RBFOX1: variants seen among roughly 807,000 people sequenced by gnomAD.
The protein encoded by RBFOX1 is RNA binding protein fox-1 homolog 1.
In RBFOX1, 8 loss-of-function variants were observed where a neutral mutation model predicts 57.7. The observed-to-expected ratio is 0.14, with a 90% CI of 0.08 to 0.25. The LOEUF is 0.25. Among genes scored for constraint, RBFOX1 ranks in the 10% least tolerant of loss-of-function variants. RBFOX1 has a pLI of 1.00. For missense variants in RBFOX1, 611 were observed against 548.5 expected (o/e 1.11, Z -1.14); for synonymous variants, 326 against 222.4 (o/e 1.47, Z -4.15).
At chr16:6,862,546 C>A (rs537782849) in intron 3 of RBFOX1, among the ~76,000 whole-genome samples, 1 of 152,300 alleles carries the variant, frequency 6.6e-6, no homozygotes, top group South Asian at 2.1e-4. Context: ...ACTTAACCAG[C>A]ATCTTGAAGA....
rs2095048626 is a variant in RBFOX1, at chr16:7,264,385, C to A, written c.27+212287C>A. On this transcript the variant is annotated intron_variant, in intron 4 of 15. Transcript: ENST00000550418. ...GAAACTCAGAAGGTGCAAAGCAGAC[C>A]CAGTCATCTCCAGCTTACAACAGAT... Among the ~76,000 whole-genome samples, 9 of 152,154 alleles carry A rather than the reference C, an allele frequency of 5.9e-5. No individual in the cohort carries two copies. In the South Asian group the frequency reaches 1.9e-3, roughly 32 times the overall value.
chr16:7,707,972 C>T (rs543194936), intron 14 of RBFOX1, among the ~76,000 whole-genome samples: 1 of 152,284 alleles, frequency 6.6e-6, no homozygotes, highest in Non-Finnish European at 1.5e-5. Flanking sequence ...AAACTATCTC[C>T]AGGAAAATAT....
At chr16:6,206,513 G>GTA (rs1481710096) in intron 1 of RBFOX1, among the ~76,000 whole-genome samples, 1 of 152,266 alleles carries the variant, frequency 6.6e-6, no homozygotes, top group East Asian at 1.9e-4. Flanking sequence ...GATGGCAGAG[G>GTA]TATCATCTGT....
chr16:6,443,898 C>A (rs191932239), intron 2 of RBFOX1, among the ~76,000 whole-genome samples: 12 of 152,158 alleles, frequency 7.9e-5, no homozygotes, highest in East Asian at 5.8e-4. Flanking sequence ...ATTCAATTAA[C>A]ATTTATTGAA....
chr16:7,582,030 C>CTA (rs2093808663), intron 6 of RBFOX1, among the ~76,000 whole-genome samples: 2 of 144,980 alleles, frequency 1.4e-5, no homozygotes, highest in African/African-American at 2.6e-5. Context: ...TCCAGCACCC[C>CTA]CCCCCCCCCT....
At chr16:6,790,944 C>T (rs1603624251) in intron 3 of RBFOX1, among the ~76,000 whole-genome samples, 1 of 151,298 alleles carries the variant, frequency 6.6e-6, no homozygotes, top group East Asian at 1.9e-4. Context: ...CTGACTGTGT[C>T]ACCCAGGTTG....
intron 4 of RBFOX1, among the ~76,000 whole-genome samples, chr16:5,883,079 G>T (rs185287453): frequency 1.1e-4 from 17 of 152,160 alleles, no homozygotes; most frequent in African/African-American, 3.9e-4. Flanking sequence ...TATTGGCACA[G>T]GATGAGAAAA....
At chr16:5,737,833 T>C (rs1046027466) in intron 3 of RBFOX1, among the ~76,000 whole-genome samples, 1 of 152,168 alleles carries the variant, frequency 6.6e-6, no homozygotes, top group African/African-American at 2.4e-5. Context: ...AAAATTTGTT[T>C]CTTTTTTTAT....
chr16:7,476,612 G>A (rs775984229), intron 4 of RBFOX1, among the ~76,000 whole-genome samples: 33 of 152,166 alleles, frequency 2.2e-4, no homozygotes, highest in Middle Eastern at 6.8e-3. Flanking sequence ...TGAAGTCTTC[G>A]GCATCTCCAA....
intron 4 of RBFOX1, among the ~76,000 whole-genome samples, chr16:7,260,919 G>A (rs748165634): frequency 6.6e-6 from 1 of 152,168 alleles, no homozygotes; most frequent in African/African-American, 2.4e-5. Context: ...CCATCATTAC[G>A]GTGAATGCTA....
chr16:6,012,748 C>T (rs2094969114), intron 4 of RBFOX1, among the ~76,000 whole-genome samples: 1 of 152,182 alleles, frequency 6.6e-6, no homozygotes, highest in African/African-American at 2.4e-5. Flanking sequence ...CTTCCCTGCC[C>T]TGCCATCTTC....
intron 2 of RBFOX1, among the ~76,000 whole-genome samples, chr16:6,407,028 G>A (rs1377490711): frequency 1.3e-5 from 2 of 152,104 alleles, no homozygotes; most frequent in Non-Finnish European, 2.9e-5. Flanking sequence ...TTTGAAAGAG[G>A]TTTGGAAAAT....
chr16:6,976,090 G>C (rs1436740642), intron 3 of RBFOX1, among the ~76,000 whole-genome samples: 1 of 152,142 alleles, frequency 6.6e-6, no homozygotes, highest in African/African-American at 2.4e-5. Context: ...TCGTCCCACT[G>C]CAGTTCAGCC....
chr16:7,096,811 A>G (rs1234104321), intron 4 of RBFOX1, among the ~76,000 whole-genome samples: 1 of 151,720 alleles, frequency 6.6e-6, no homozygotes, highest in African/African-American at 2.4e-5. Flanking sequence ...TCTCCCCTGT[A>G]ATCCCAGCTA....
intron 1 of RBFOX1, among the ~76,000 whole-genome samples, chr16:6,075,701 A>G (rs1398197365): frequency 6.6e-6 from 1 of 152,226 alleles, no homozygotes; most frequent in Non-Finnish European, 1.5e-5. Flanking sequence ...TTGCTATTTC[A>G]AATGTAGTTC....
intron 2 of RBFOX1, among the ~76,000 whole-genome samples, chr16:6,493,067 ATATT>A (rs1484023215): frequency 6.6e-6 from 1 of 152,218 alleles, no homozygotes; most frequent in African/African-American, 2.4e-5. Flanking sequence ...TAATTAAAAA[ATATT>A]TAAGAGAAAA....
intron 3 of RBFOX1, among the ~76,000 whole-genome samples, chr16:6,739,245 A>T (rs976051266): frequency 6.6e-6 from 1 of 152,046 alleles, no homozygotes; most frequent in Admixed American, 6.5e-5. Context: ...GATAGAAAAA[A>T]AAAAAGAAGG....
intron 2 of RBFOX1, among the ~76,000 whole-genome samples, chr16:6,565,799 C>G (rs11863898): frequency 6.6e-6 from 1 of 152,148 alleles, no homozygotes; most frequent in Non-Finnish European, 1.5e-5. Flanking sequence ...TATAAGCTCA[C>G]CTGATGAAAA....
intron 1 of RBFOX1, among the ~76,000 whole-genome samples, chr16:5,382,137 T>A (rs1355335090): frequency 6.6e-6 from 1 of 152,220 alleles, no homozygotes; most frequent in Non-Finnish European, 1.5e-5. Context: ...GGCAGTCTGT[T>A]TTTCCAGGCT....
Sources: gnomAD v4.1 joint callset for allele counts (sites outside exome capture counted in the v4.1 genomes callset) on GRCh38, gnomAD v4.1.1 for gene constraint, MANE v1.5 for transcripts, NCBI Gene and HGNC (gene_info 2026-07-23, HGNC 2026-07-21) for gene names.